Variants in LRSAM1 observed in about 807,000 individuals in gnomAD.
LRSAM1 encodes the protein E3 ubiquitin-protein ligase LRSAM1.
In LRSAM1, 96 loss-of-function variants were observed where a neutral mutation model predicts 118.1. That is an observed-to-expected ratio of 0.81 (90% CI 0.69 to 0.96). The LOEUF (loss-of-function observed/expected upper bound fraction) is 0.96. Ranked by LOEUF, LRSAM1 falls within the 40% of genes least tolerant of loss-of-function variation. The pLI is 0.00. For synonymous variants in LRSAM1, 322 were observed against 364.2 expected, an observed-to-expected ratio of 0.88 and a Z score of 1.32; for missense variants, 804 against 915.5, an observed-to-expected ratio of 0.88 and a Z score of 1.57.
chr9:127,488,790 T>C (rs1835823989), intron 18 of LRSAM1, among the ~76,000 whole-genome samples: 2 of 147,826 alleles, frequency 1.4e-5, no homozygotes, highest in South Asian at 4.3e-4. Flanking sequence ...AGAGTTTCCC[T>C]ATGTTGCCCA....
chr9:127,458,868 A>T, intron 6 of LRSAM1, 135 bp from the exon 7 acceptor site: 1 of 771,544 alleles, frequency 1.3e-6, no homozygotes, highest in Non-Finnish European at 2.3e-6. Flanking sequence ...ATCAACACTG[A>T]GTGGGAAAGG....
intron 4 of LRSAM1, among the ~76,000 whole-genome samples, 165 bp from the exon 5 acceptor site, chr9:127,455,411 C>G (rs1834480460): frequency 6.6e-6 from 1 of 152,264 alleles, no homozygotes. Flanking sequence ...ACATCCCCAA[C>G]ACCACTGCTT....
intron 9 of LRSAM1, among the ~76,000 whole-genome samples, chr9:127,464,980 C>A (rs1286554959): frequency 6.6e-6 from 1 of 151,940 alleles, no homozygotes; most frequent in East Asian, 1.9e-4. Context: ...TAAAAAAAAT[C>A]TTTTGGGTTT....
intron 24 of LRSAM1, among the ~76,000 whole-genome samples, chr9:127,498,349 C>A (rs972064671): frequency 2.0e-5 from 3 of 152,198 alleles, no homozygotes; most frequent in African/African-American, 7.2e-5. Flanking sequence ...TCTGGATGTT[C>A]CTGACCCCCC....
intron 20 of LRSAM1, among the ~76,000 whole-genome samples, chr9:127,492,107 C>T (rs928009618): frequency 5.3e-5 from 8 of 152,180 alleles, no homozygotes; most frequent in East Asian, 3.9e-4. Flanking sequence ...TCAGGTGCAC[C>T]GCAGGTGTGC....
At chr9:127,485,128 C>G (rs547159150) in intron 16 of LRSAM1, among the ~76,000 whole-genome samples, 1 of 152,166 alleles carries the variant, frequency 6.6e-6, no homozygotes, top group East Asian at 1.9e-4. Context: ...TGTTTAATTC[C>G]TAAATGCATA....
At chr9:127,468,777 C>T (rs935266393) in intron 10 of LRSAM1, among the ~76,000 whole-genome samples, 5 of 126,916 alleles carry the variant, frequency 3.9e-5, no homozygotes, top group Non-Finnish European at 7.8e-5. Flanking sequence ...AGTTTGAGAC[C>T]AGCCTAGGCA....
chr9:127,495,479 C>A, intron 22 of LRSAM1, 61 bp downstream of exon 22: 6 of 1,376,170 alleles, frequency 4.4e-6, no homozygotes, highest in Non-Finnish European at 6.2e-6. Flanking sequence ...CCAGAGGCGC[C>A]TGTGGTGCCT....
chr9:127,472,924 G>A lies in LRSAM1; in HGVS notation c.620-877G>A, dbSNP rs188370006. 1.7e-3 allele frequency among the ~76,000 whole-genome samples: 257 copies of A among 152,210 alleles called. 1 individual carries two copies. The highest frequency in any genetic ancestry group is 5.7e-3 in the African/African-American group (238 of 41,534). On this transcript the variant is annotated intron_variant, in intron 10 of 25. Coordinates refer to ENST00000300417, the MANE Select transcript of LRSAM1 (RefSeq NM_001005373.4). The stretch of plus-strand genomic sequence containing the variant: ...TGTCACCGTGTGCACTTTCCCCTAG[G>A]GTGTGTGAGAGGGCACGAGCGCCCT...
At position 127,459,172 on chromosome 9, in the gene LRSAM1, A is replaced by T. The variant is rs574844986; in HGVS notation, c.321+101A>T. 108 of 1,161,180 alleles carry T rather than the reference A, an allele frequency of 9.3e-5. No individual in the cohort carries two copies. In the African/African-American group the frequency reaches 1.5e-3, roughly 16 times the overall value. The allele number at this position is 1,161,180 out of a possible 1,614,324, so 71.9% of individuals were successfully genotyped here. On this transcript the variant is annotated intron_variant, in intron 7 of 25. Transcript: ENST00000300417. The stretch of plus-strand genomic sequence containing the variant: ...TGGCCGGGCTCCAGCCAGTGGAAGC[A>T]GGCTGCAATCAGTGCCAGCTCCACC...
intron 2 of LRSAM1, among the ~76,000 whole-genome samples, chr9:127,453,238 C>T (rs185181965): frequency 1.9e-4 from 29 of 152,228 alleles, no homozygotes; most frequent in African/African-American, 6.0e-4. Flanking sequence ...CATATCACCA[C>T]GCCCAGCTTC....
Position 127,482,232 on chromosome 9 carries a change from T to G in LRSAM1, c.1089-718T>G, listed in dbSNP as rs547687156. 2.3e-4 allele frequency among the ~76,000 whole-genome samples: 33 copies of G among 142,858 alleles called. 1 individual carries two copies. Among genetic ancestry groups the G allele is most frequent in the African/African-American group, 8.5e-4 (33 of 38,606 alleles). The allele number at this position is 142,858 out of a possible 152,430, so 93.7% of individuals were successfully genotyped here. ...ATCTCGGCTCACTGCAACCTCCACC[T>G]CCCAGGTTCAGGCGATTCTCCTGCC... is the stretch of plus-strand genomic sequence containing the variant. On this transcript the variant is annotated intron_variant, in intron 15 of 25. Coordinates refer to ENST00000300417, the MANE Select transcript of LRSAM1 (RefSeq NM_001005373.4).
At chr9:127,496,204 C>G in intron 23 of LRSAM1, 109 bp downstream of exon 23, 1 of 1,496,196 alleles carries the variant, frequency 6.7e-7, no homozygotes, top group Non-Finnish European at 9.0e-7. Context: ...CTGTCCTTAC[C>G]TAATGGCCCA....
At position 127,459,792 on chromosome 9, in the gene LRSAM1, C is replaced by T. The variant is rs1332390670; in HGVS notation, c.321+721C>T. Among the ~76,000 whole-genome samples the T allele has an allele frequency of 1.3e-5, 2 of 152,172 alleles. 1 individual carries two copies. The highest frequency in any genetic ancestry group is 4.1e-4 in the South Asian group (2 of 4,834). On this transcript the variant is annotated intron_variant, in intron 7 of 25. Coordinates refer to ENST00000300417, the MANE Select transcript of LRSAM1 (RefSeq NM_001005373.4). Reference sequence around the variant, plus strand: ...CAGGCTGACCTCAAACTCCTGGCCTCAGGTGATCCACCCGTCTTGGCCTCC... The same window carrying T: ...CAGGCTGACCTCAAACTCCTGGCCTTAGGTGATCCACCCGTCTTGGCCTCC...
chr9:127,457,293 T>C, intron 5 of LRSAM1, 23 bp from the exon 6 acceptor site: 1 of 1,613,732 alleles, frequency 6.2e-7, no homozygotes, highest in Non-Finnish European at 8.5e-7. Context: ...CAGCCCAGCA[T>C]GGCCGCACAT....
At position 127,455,581 on chromosome 9, in the gene LRSAM1, A is replaced by G. The variant is rs1446897929; in HGVS notation, c.135A>G (p.Pro45=). 1.2e-6 allele frequency: 2 copies of G among 1,614,038 alleles called. No homozygotes were observed. The highest frequency in any genetic ancestry group is 1.7e-6 in the Non-Finnish European group (2 of 1,180,022). ...TCTTCTTTATCTTATCTTAGATTCC[A>G]TTTGGAGCTTTTGCAACATGCAAAG... ...DISKCELSEI[P]FGAFATCKVL... is the part of the protein sequence containing the mutation. The change falls in exon 5 of 26, where the codon CCA becomes CCG. Residue 45 remains proline (P), a synonymous_variant. Transcript: ENST00000300417.
intron 5 of LRSAM1, among the ~76,000 whole-genome samples, chr9:127,456,162 CA>C (rs34459766): frequency 0.049 from 4,651 of 94,608 alleles, 220 homozygotes; most frequent in African/African-American, 0.17. Context: ...TGAGAATATG[CA>C]AAAAAAAAAA....
chr9:127,495,836 T>C (rs1210128757), intron 22 of LRSAM1, 128 bp from the exon 23 acceptor site: 5 of 1,416,356 alleles, frequency 3.5e-6, no homozygotes, highest in African/African-American at 2.8e-5. Context: ...TACCTATGAG[T>C]TTTTGTAGGA....
chr9:127,463,764 C>T (rs904162605), intron 9 of LRSAM1, among the ~76,000 whole-genome samples: 2 of 152,170 alleles, frequency 1.3e-5, no homozygotes, highest in African/African-American at 2.4e-5. Flanking sequence ...CAGCTGCTCA[C>T]GGAAAGCAGC....
Sources: gnomAD v4.1 joint callset for allele counts (sites outside exome capture counted in the v4.1 genomes callset) on GRCh38, gnomAD v4.1.1 for gene constraint, MANE v1.5 for transcripts, NCBI Gene and HGNC (gene_info 2026-07-23, HGNC 2026-07-21) for gene names.